FAM131B: variants seen among roughly 807,000 people sequenced by gnomAD.
FAM131B encodes family with sequence similarity 131 member B.
A neutral mutation model predicts 42.0 loss-of-function variants in FAM131B; 19 were observed. The ratio of observed to expected loss-of-function variants is 0.45; its 90% CI spans 0.32 to 0.66. The LOEUF (loss-of-function observed/expected upper bound fraction) is 0.66. Among genes scored for constraint, FAM131B ranks in the 30% least tolerant of loss-of-function variants. The pLI is 0.05. For synonymous variants in FAM131B, 183 were observed against 177.6 expected, an observed-to-expected ratio of 1.03 and a Z score of -0.24; for missense variants, 370 against 468.4, an observed-to-expected ratio of 0.79 and a Z score of 1.94.
chr7:143,359,219 G>C lies in FAM131B; in HGVS notation c.268+107C>G, dbSNP rs942445287. ...CTTGACAGAAGGGTGAATAGGTCAG[G>C]GGGTGGGGATGAGGGTCTTCATCAA... is the stretch of plus-strand genomic sequence containing the variant. On this transcript the variant is annotated intron_variant, in intron 4 of 6. Transcript: ENST00000443739. The surrounding 1 kb of genome is among the most constrained non-coding windows in gnomAD (Gnocchi z 5.4). 1.9e-6 allele frequency: 2 copies of C among 1,033,014 alleles called. No individual in the cohort carries two copies. The highest frequency in any genetic ancestry group is 4.0e-5 in the Admixed American group (2 of 49,956). 64.0% of individuals were successfully genotyped at this position (1,033,014 alleles called of 1,614,324 possible).
the FAM131B span, among the ~76,000 whole-genome samples, chr7:143,374,055 C>T: frequency 1.3e-5 from 2 of 152,088 alleles, no homozygotes; most frequent in East Asian, 1.9e-4. Flanking sequence ...CTAGCCCTCT[C>T]GACTGTTCAT....
the FAM131B span, among the ~76,000 whole-genome samples, chr7:143,377,098 C>T: frequency 6.6e-6 from 1 of 152,156 alleles, no homozygotes; most frequent in African/African-American, 2.4e-5. Flanking sequence ...GCTGGGATTA[C>T]AGGCGCACAC....
chr7:143,357,366 T>C lies in FAM131B; in HGVS notation c.524A>G (p.Asp175Gly). ...GGAGTTCACACTCATGTCCTCACCA[T>C]CCATGGAAGACCAGGCCATGAGTGT... Reference protein sequence around the residue: ...EATLMAWSSMDGEDMSVNSTQ... With the variant: ...EATLMAWSSMGGEDMSVNSTQ... Residue 175 changes from aspartate (D) to glycine (G), a missense_variant, in exon 6 of 7, where the codon GAT (aspartate) becomes GGT (glycine). Physicochemically the swap from Asp to Gly is moderately conservative, Grantham distance 94. Coordinates refer to ENST00000443739, the MANE Select transcript of FAM131B (RefSeq NM_001031690.3). 2 of 1,614,034 alleles carry C rather than the reference T, an allele frequency of 1.2e-6. No individual in the cohort carries two copies. Among genetic ancestry groups the C allele is most frequent in the Non-Finnish European group, 1.7e-6 (2 of 1,179,902 alleles).
At chr7:143,365,759 C>T (rs1421409522), upstream of FAM131B, among the ~76,000 whole-genome samples, 2 of 152,186 alleles carry the variant, frequency 1.3e-5, no homozygotes, top group South Asian at 2.1e-4. Context: ...TGCCCCAACC[C>T]TCGGCTAATT....
chr7:143,363,193 C>A (rs1804081172), upstream of FAM131B, among the ~76,000 whole-genome samples: 1 of 152,214 alleles, frequency 6.6e-6, no homozygotes, highest in Admixed American at 6.5e-5. Context: ...CACACAGGAA[C>A]GTGATTGGAC....
chr7:143,363,611 G>T (rs1053737923), upstream of FAM131B, among the ~76,000 whole-genome samples: 1 of 152,114 alleles, frequency 6.6e-6, no homozygotes, highest in South Asian at 2.1e-4. Flanking sequence ...AAGTTGCAAG[G>T]GTTAAATGAG....
the FAM131B span, chr7:143,381,210 C>G: frequency 1.0e-6 from 1 of 1,001,306 alleles, no homozygotes; most frequent in East Asian, 1.1e-4. Flanking sequence ...CGCCCTTCCC[C>G]GCTCTCCCCG....
Position 143,359,693 on chromosome 7 carries a change from T to C in FAM131B, c.174+39A>G. 6.5e-7 allele frequency: 1 copy of C among 1,547,474 alleles called. No homozygotes were observed. ...CAAGGGAGAAGATGAGGAGGAGGAG[T>C]TCGGGAGGATGGGGAGGTCTGGGGG... On this transcript the variant is annotated intron_variant, in intron 3 of 6. Coordinates refer to ENST00000443739, the MANE Select transcript of FAM131B (RefSeq NM_001031690.3). The surrounding 1 kb of genome is among the most constrained non-coding windows in gnomAD (Gnocchi z 5.4).
chr7:143,359,454 T>G lies in FAM131B; in HGVS notation c.175-35A>C, dbSNP rs777816554. 1.3e-6 allele frequency: 2 copies of G among 1,528,316 alleles called. No individual in the cohort carries two copies. The highest frequency in any genetic ancestry group is 9.1e-7 in the Non-Finnish European group (1 of 1,104,118). 94.7% of individuals were successfully genotyped at this position (1,528,316 alleles called of 1,614,324 possible). On this transcript the variant is annotated intron_variant, in intron 3 of 6. Transcript: ENST00000443739. This position sits in a 1 kb window ranked among gnomAD's most constrained non-coding sequence, Gnocchi z 5.4. ...GAATGTGGGAGGAAGGGCAGAGGAA[T>G]AAGAAGGTACGGGCGTGCTTTATAC... is the stretch of plus-strand genomic sequence containing the variant.
chr7:143,376,865 A>G, the FAM131B span, among the ~76,000 whole-genome samples: 1 of 152,248 alleles, frequency 6.6e-6, no homozygotes, highest in South Asian at 2.1e-4. Flanking sequence ...TTCTTTTTTC[A>G]GATTATAAAG....
At chr7:143,381,330 G>A in the FAM131B span, 21 of 1,132,016 alleles carry the variant, frequency 1.9e-5, no homozygotes, top group Non-Finnish European at 2.2e-5. Flanking sequence ...GCTGGAGGCT[G>A]CTCCGGACCG....
In FAM131B at chr7:143,359,045, C is replaced by T. The variant is rs754531960; in HGVS notation, c.269-21G>A. The T allele has an allele frequency of 3.7e-6, 6 of 1,609,582 alleles. No homozygotes were observed. Among genetic ancestry groups the T allele is most frequent in the Non-Finnish European group, 5.1e-6 (6 of 1,177,740 alleles). ...GATCCCTATGGGGCCAGACATTTCCCACATCCTCCAGAATATCACACAATA... is the reference window on the plus strand; with the variant it reads ...GATCCCTATGGGGCCAGACATTTCCTACATCCTCCAGAATATCACACAATA... On this transcript the variant is annotated intron_variant, in intron 4 of 6. Coordinates refer to ENST00000443739, the MANE Select transcript of FAM131B (RefSeq NM_001031690.3). The surrounding 1 kb of genome is among the most constrained non-coding windows in gnomAD (Gnocchi z 5.4).
chr7:143,380,715 AC>A, the FAM131B span: 1 of 984,730 alleles, frequency 1.0e-6, no homozygotes, highest in Non-Finnish European at 1.2e-6. This position sits in a 1 kb window ranked among gnomAD's most constrained non-coding sequence, Gnocchi z 5.0. Flanking sequence ...CGGCTCACAC[AC>A]CCCCTCCGGG....
At chr7:143,361,992 C>G in intron 1 of FAM131B, 1 of 949,694 alleles carries the variant, frequency 1.1e-6, no homozygotes, top group Non-Finnish European at 1.3e-6. Context: ...CTCATCCCGC[C>G]CCCGCCCCAG....
chr7:143,381,273 C>T, the FAM131B span: 4 of 1,062,696 alleles, frequency 3.8e-6, no homozygotes, highest in Non-Finnish European at 4.6e-6. Flanking sequence ...TCTCCCCGCC[C>T]CCTCTCTTCT....
chr7:143,356,803 G>A lies in FAM131B; in HGVS notation c.830C>T (p.Pro277Leu), dbSNP rs1803678711. Residue 277 changes from proline (P) to leucine (L), a missense_variant, in exon 7 of 7, where the codon CCT becomes CTT. By Grantham distance (98) the Pro-to-Leu change is moderately conservative (BLOSUM62 -3). Coordinates refer to ENST00000443739, the MANE Select transcript of FAM131B (RefSeq NM_001031690.3). This position sits in a 1 kb window ranked among gnomAD's most constrained non-coding sequence, Gnocchi z 4.4. ...AGTGTCTCCCCCCAGCAAAGGTGGA[G>A]GCTCCAGAGCAGAGTATCCTGAAGC... ...QPASGYSALE[P>L]PPLLGGDTDW... The A allele has an allele frequency of 1.2e-6, 2 of 1,614,044 alleles. No individual in the cohort carries two copies. Among genetic ancestry groups the A allele is most frequent in the South Asian group, 1.1e-5 (1 of 91,084 alleles).
chr7:143,380,385 G>A, the FAM131B span: 4 of 985,168 alleles, frequency 4.1e-6, no homozygotes, highest in Non-Finnish European at 4.8e-6. This position sits in a 1 kb window ranked among gnomAD's most constrained non-coding sequence, Gnocchi z 5.0. Context: ...ACCGTCGCCC[G>A]GGGTCTCCAC....
In FAM131B at chr7:143,358,553, A is replaced by G. The variant is rs1291173327; in HGVS notation, c.466+274T>C. On this transcript the variant is annotated intron_variant, in intron 5 of 6. Transcript: ENST00000443739. This position sits in a 1 kb window ranked among gnomAD's most constrained non-coding sequence, Gnocchi z 4.7. ...TTTTTCCCTGCACTTGAGGGAGTTC[A>G]GGTTTGGATAGTCCCGTGATGAGGA... Among the ~76,000 whole-genome samples, 2 of 152,198 alleles carry G rather than the reference A, an allele frequency of 1.3e-5. No individual in the cohort carries two copies. The highest frequency in any genetic ancestry group is 4.8e-5 in the African/African-American group (2 of 41,450).
Position 143,359,091 on chromosome 7 carries a change from G to T in FAM131B, c.269-67C>A, listed in dbSNP as rs1377109972. 2 of 1,494,056 alleles carry T rather than the reference G, an allele frequency of 1.3e-6. No individual in the cohort carries two copies. Among genetic ancestry groups the T allele is most frequent in the African/African-American group, 1.4e-5 (1 of 72,360 alleles). The allele number at this position is 1,494,056 out of a possible 1,614,324, so 92.5% of individuals were successfully genotyped here. Reference sequence around the variant, plus strand: ...CAATACCCATAACCAGACCCTCCCAGTTCCTCCCACCCCAGCCCCATGAGG... The same window carrying T: ...CAATACCCATAACCAGACCCTCCCATTTCCTCCCACCCCAGCCCCATGAGG... On this transcript the variant is annotated intron_variant, in intron 4 of 6. Transcript: ENST00000443739. The surrounding 1 kb of genome is among the most constrained non-coding windows in gnomAD (Gnocchi z 5.4).
Sources: allele counts gnomAD v4.1 joint callset (sites outside exome capture counted in the v4.1 genomes callset), GRCh38; gene constraint gnomAD v4.1.1; non-coding constraint Gnocchi (gnomAD v3.1); transcripts MANE v1.5; gene names NCBI Gene and HGNC (gene_info 2026-07-23, HGNC 2026-07-21).